Variants in OPCML observed in about 807,000 individuals in gnomAD.
The protein encoded by OPCML is opioid binding protein/cell adhesion molecule like.
OPCML carries 13 observed loss-of-function variants against 37.8 expected under a neutral mutation model. The observed-to-expected ratio is 0.34, with a 90% CI of 0.22 to 0.55. OPCML has a LOEUF of 0.55. Ranked by LOEUF, OPCML falls within the 20% of genes least tolerant of loss-of-function variation. The probability of loss-of-function intolerance (pLI) is 0.91; values close to 1 mark genes in which losing one functional copy is unlikely to be tolerated. For synonymous variants in OPCML, 176 were observed against 168.8 expected (o/e 1.04, Z -0.33); for missense variants, 341 against 435.6 (o/e 0.78, Z 1.93).
intron 2 of OPCML, among the ~76,000 whole-genome samples, chr11:132,681,689 C>T (rs1942949739): frequency 6.6e-6 from 1 of 152,190 alleles, no homozygotes; most frequent in South Asian, 2.1e-4. Flanking sequence ...GCCGTGGTGG[C>T]TCACACCTGT....
At chr11:133,318,755 G>T (rs1463735257) in intron 1 of OPCML, among the ~76,000 whole-genome samples, 1 of 152,134 alleles carries the variant, frequency 6.6e-6, no homozygotes, top group Non-Finnish European at 1.5e-5. Flanking sequence ...ATTCATGAGG[G>T]GCTGGGAGCA....
chr11:132,505,461 G>A (rs902028100), intron 4 of OPCML, among the ~76,000 whole-genome samples: 1 of 151,980 alleles, frequency 6.6e-6, no homozygotes, highest in African/African-American at 2.4e-5. Context: ...ACAGCCACCT[G>A]ACAACCTCCA....
intron 3 of OPCML, among the ~76,000 whole-genome samples, chr11:132,563,624 CTA>C (rs979204489): frequency 3.9e-5 from 6 of 152,018 alleles, no homozygotes; most frequent in Non-Finnish European, 7.4e-5. Flanking sequence ...TTTGCCTCAA[CTA>C]TTTTTTTATT....
At chr11:133,098,887 C>G (rs1378517553) in intron 1 of OPCML, among the ~76,000 whole-genome samples, 1 of 152,178 alleles carries the variant, frequency 6.6e-6, no homozygotes, top group Non-Finnish European at 1.5e-5. Context: ...GACTGTATTT[C>G]TTTGCAGATG....
intron 3 of OPCML, among the ~76,000 whole-genome samples, chr11:132,576,750 T>C (rs543967140): frequency 6.6e-6 from 1 of 152,290 alleles, no homozygotes; most frequent in South Asian, 2.1e-4. Flanking sequence ...ACTTCTTCTA[T>C]ACAGGAGACG....
chr11:132,661,439 T>C (rs1380362943), intron 2 of OPCML, among the ~76,000 whole-genome samples: 6 of 152,168 alleles, frequency 3.9e-5, no homozygotes, highest in East Asian at 3.9e-4. Context: ...CATAGGACTC[T>C]TCCATAGTCC....
chr11:133,205,659 T>C lies in OPCML; in HGVS notation c.62-262649A>G, dbSNP rs1377977115. Among the ~76,000 whole-genome samples the C allele has an allele frequency of 6.6e-6, 1 of 152,224 alleles. No individual in the cohort carries two copies. The highest frequency in any genetic ancestry group is 1.5e-5 in the Non-Finnish European group (1 of 68,046). ...GGAAAAATTTCTCACTCATCTGATG[T>C]CAGAAGTGTTGCGTTGCGTGAGACA... is the stretch of plus-strand genomic sequence containing the variant. On this transcript the variant is annotated intron_variant, in intron 1 of 7. Coordinates refer to ENST00000524381, the MANE Select transcript of OPCML (RefSeq NM_001012393.5). The surrounding 1 kb of genome is among the most constrained non-coding windows in gnomAD (Gnocchi z 4.8).
chr11:132,957,857 C>T (rs942188438), intron 1 of OPCML, among the ~76,000 whole-genome samples: 4 of 152,200 alleles, frequency 2.6e-5, no homozygotes, highest in African/African-American at 9.7e-5. Context: ...GCTCTACCAA[C>T]CAACCATTCT....
At chr11:133,421,210 C>A (rs1007082649) in intron 1 of OPCML, 12 of 985,114 alleles carry the variant, frequency 1.2e-5, no homozygotes, top group Non-Finnish European at 1.4e-5. Context: ...AAGAGCAATG[C>A]GTTCCAAGAA....
At chr11:133,059,767 T>C (rs971504718) in intron 1 of OPCML, among the ~76,000 whole-genome samples, 2 of 152,202 alleles carry the variant, frequency 1.3e-5, no homozygotes, top group African/African-American at 2.4e-5. Context: ...GAGCACAATA[T>C]GTGCTTGAAA....
chr11:132,528,059 A>G (rs1255523267), intron 4 of OPCML, among the ~76,000 whole-genome samples: 1 of 152,182 alleles, frequency 6.6e-6, no homozygotes, highest in Admixed American at 6.6e-5. Flanking sequence ...GATCTCAGAC[A>G]TCTAGCCTCC....
chr11:133,204,852 ATATATATATATATGTG>A (rs1327249985), intron 1 of OPCML, among the ~76,000 whole-genome samples: 1 of 52,310 alleles, frequency 1.9e-5, no homozygotes, highest in Non-Finnish European at 3.4e-5. Flanking sequence ...GTGATCTATT[ATATATATATATATGTG>A]TATATATATA....
chr11:132,985,071 T>C (rs1946661549), intron 1 of OPCML, among the ~76,000 whole-genome samples: 1 of 152,198 alleles, frequency 6.6e-6, no homozygotes, highest in Non-Finnish European at 1.5e-5. Context: ...TCAGCACACA[T>C]AATCTGGCTT....
intron 6 of OPCML, 149 bp from the exon 7 acceptor site, chr11:132,436,386 C>T (rs969760024): frequency 3.9e-6 from 6 of 1,534,468 alleles, no homozygotes; most frequent in Non-Finnish European, 5.2e-6. Flanking sequence ...GATGCTCTTG[C>T]CCAATGGGAT....
intron 4 of OPCML, among the ~76,000 whole-genome samples, chr11:132,454,587 G>C (rs867560536): frequency 2.0e-5 from 3 of 152,362 alleles, no homozygotes; most frequent in Middle Eastern, 3.4e-3. Context: ...ACAGAGGACA[G>C]ATGATGGGAG....
intron 1 of OPCML, among the ~76,000 whole-genome samples, chr11:133,235,622 G>A (rs1306430054): frequency 6.6e-6 from 1 of 152,216 alleles, no homozygotes; most frequent in African/African-American, 2.4e-5. Flanking sequence ...TGTAAGAGCT[G>A]CAAGAGGTAA....
At position 133,422,877 on chromosome 11, in the gene OPCML, G is replaced by A. The variant is rs1029417638; in HGVS notation, c.61+109387C>T. ...TGATTCTACACATAAGAAATCTGAGGCTTAGGATGAAGAATCTCATTTGAC... is the reference window on the plus strand; with the variant it reads ...TGATTCTACACATAAGAAATCTGAGACTTAGGATGAAGAATCTCATTTGAC... On this transcript the variant is annotated intron_variant, in intron 1 of 7. Coordinates refer to ENST00000524381, the MANE Select transcript of OPCML (RefSeq NM_001012393.5). 7 of 954,922 alleles carry A rather than the reference G, an allele frequency of 7.3e-6. No individual in the cohort carries two copies. In the African/African-American group the frequency reaches 1.1e-4, roughly 14 times the overall value. 59.2% of individuals were successfully genotyped at this position (954,922 alleles called of 1,614,324 possible).
At chr11:132,891,999 G>T (rs552655201) in intron 2 of OPCML, among the ~76,000 whole-genome samples, 1 of 152,208 alleles carries the variant, frequency 6.6e-6, no homozygotes, top group East Asian at 1.9e-4. Flanking sequence ...CCACTGCATG[G>T]ATTTCCAGCT....
chr11:133,371,304 C>T (rs950399790), intron 1 of OPCML, among the ~76,000 whole-genome samples: 9 of 152,178 alleles, frequency 5.9e-5, no homozygotes, highest in African/African-American at 2.4e-5. Context: ...TGACCTACTA[C>T]TGGGTATTTA....
Sources: gnomAD v4.1 joint callset for allele counts (sites outside exome capture counted in the v4.1 genomes callset) on GRCh38, gnomAD v4.1.1 for gene constraint, Gnocchi (gnomAD v3.1) non-coding constraint, MANE v1.5 for transcripts, NCBI Gene and HGNC (gene_info 2026-07-23, HGNC 2026-07-21) for gene names.